Variants in GSE1 observed in about 807,000 individuals in gnomAD.
GSE1 encodes Gse1 coiled-coil protein.
In GSE1, 32 loss-of-function variants were observed where a neutral mutation model predicts 112.6. The observed-to-expected ratio is 0.28, with a 90% confidence interval of 0.21 to 0.38. The LOEUF (loss-of-function observed/expected upper bound fraction) is 0.38. GSE1 is among the 10% of genes least tolerant of loss of function. The pLI is 1.00. For synonymous variants in GSE1, 1,115 were observed against 735.6 expected (o/e 1.52, Z -8.35); for missense variants, 2,348 against 1,699.2 (o/e 1.38, Z -6.71).
intron 1 of GSE1, among the ~76,000 whole-genome samples, chr16:85,316,554 T>G (rs1433852763): frequency 2.0e-5 from 3 of 152,176 alleles, no homozygotes; most frequent in Admixed American, 2.0e-4. Flanking sequence ...GAGGAGTCAC[T>G]GAGGTCCACA....
chr16:85,369,657 A>T (rs1487933721), intron 2 of GSE1, among the ~76,000 whole-genome samples: 1 of 152,166 alleles, frequency 6.6e-6, no homozygotes, highest in East Asian at 1.9e-4. Flanking sequence ...ATGTCTGCAA[A>T]GTCCCTTCTG....
chr16:85,493,442 T>C (rs1229633731), intron 2 of GSE1, among the ~76,000 whole-genome samples: 1 of 151,982 alleles, frequency 6.6e-6, no homozygotes, highest in Admixed American at 6.6e-5. Flanking sequence ...GCAAACCCCA[T>C]CTTTACAAAA....
chr16:85,610,923 C>T (rs1006020153), upstream of GSE1, among the ~76,000 whole-genome samples: 2 of 152,234 alleles, frequency 1.3e-5, no homozygotes, highest in Non-Finnish European at 2.9e-5. Context: ...CTCTAAAAAG[C>T]CGAGTGATGC....
intron 2 of GSE1, chr16:85,463,079 C>T (rs2050019699): frequency 1.0e-6 from 1 of 984,966 alleles, no homozygotes; most frequent in Admixed American, 6.2e-5. Context: ...GGGGGCGGCG[C>T]AGGATGCTGG....
At chr16:85,351,729 C>A (rs2046854295) in intron 1 of GSE1, among the ~76,000 whole-genome samples, 1 of 152,188 alleles carries the variant, frequency 6.6e-6, no homozygotes, top group Admixed American at 6.5e-5. Context: ...GTGGCTCATG[C>A]CTATAATCCC....
chr16:85,425,029 G>A (rs1393140222), intron 2 of GSE1, among the ~76,000 whole-genome samples: 1 of 152,256 alleles, frequency 6.6e-6, no homozygotes, highest in African/African-American at 2.4e-5. Flanking sequence ...AGCAAGCTCC[G>A]AGCAGGCTGG....
intron 1 of GSE1, among the ~76,000 whole-genome samples, chr16:85,331,485 A>G (rs867246004): frequency 1.7e-5 from 2 of 119,716 alleles, no homozygotes; most frequent in East Asian, 3.1e-4. Flanking sequence ...ATATATGTGT[A>G]TATATGTGTA....
intron 1 of GSE1, among the ~76,000 whole-genome samples, chr16:85,297,906 G>A (rs1216160327): frequency 3.9e-5 from 6 of 152,208 alleles, no homozygotes; most frequent in Non-Finnish European, 8.8e-5. Flanking sequence ...GGGTGCCGTG[G>A]AACTTGATTT....
chr16:85,398,964 G>T (rs1567735761), intron 2 of GSE1, among the ~76,000 whole-genome samples: 1 of 152,086 alleles, frequency 6.6e-6, no homozygotes, highest in African/African-American at 2.4e-5. Flanking sequence ...TGTGCCTCTG[G>T]GTGTGTGTGT....
chr16:85,353,905 C>A (rs1374505153), intron 1 of GSE1, among the ~76,000 whole-genome samples: 1 of 152,240 alleles, frequency 6.6e-6, no homozygotes, highest in African/African-American at 2.4e-5. Context: ...AGAGCAGGAG[C>A]CCGTCCAAGC....
chr16:85,431,534 G>T (rs367748978), intron 2 of GSE1, among the ~76,000 whole-genome samples: 5 of 152,264 alleles, frequency 3.3e-5, no homozygotes, highest in African/African-American at 1.2e-4. Context: ...GCTGTCCCCA[G>T]ATCTGATCCT....
chr16:85,359,117 G>T (rs182076904), intron 2 of GSE1, among the ~76,000 whole-genome samples: 111 of 152,318 alleles, frequency 7.3e-4, no homozygotes, highest in Non-Finnish European at 1.4e-3. Flanking sequence ...GATTTCTCAC[G>T]CTCAGCTCTG....
chr16:85,514,655 G>A (rs2051866665), intron 2 of GSE1, among the ~76,000 whole-genome samples: 1 of 152,190 alleles, frequency 6.6e-6, no homozygotes, highest in African/African-American at 2.4e-5. Context: ...ATTGTCCCTG[G>A]GAAGGGCCTC....
chr16:85,443,781 G>A (rs2049439160), intron 2 of GSE1, among the ~76,000 whole-genome samples: 1 of 152,194 alleles, frequency 6.6e-6, no homozygotes, highest in Admixed American at 6.5e-5. Flanking sequence ...GCCCAGCGGG[G>A]AAAGTGCCAG....
At chr16:85,563,917 G>A (rs916629788) in intron 1 of GSE1, among the ~76,000 whole-genome samples, 11 of 152,228 alleles carry the variant, frequency 7.2e-5, no homozygotes, top group African/African-American at 2.4e-4. Flanking sequence ...TTTTCGCACA[G>A]AACACGTGCC....
chr16:85,608,050 C>T (rs375391672), upstream of GSE1, among the ~76,000 whole-genome samples: 3 of 152,290 alleles, frequency 2.0e-5, no homozygotes, highest in East Asian at 3.9e-4. Flanking sequence ...AAGAGTGGGA[C>T]GCAACCTGGA....
chr16:85,225,249 ACT>A (rs1447082854), intron 1 of GSE1, among the ~76,000 whole-genome samples: 1 of 152,166 alleles, frequency 6.6e-6, no homozygotes, highest in African/African-American at 2.4e-5. Context: ...TTGAGCAGAC[ACT>A]CTGGGAGGAC....
At chr16:85,261,072 A>G (rs537081419) in intron 1 of GSE1, among the ~76,000 whole-genome samples, 2 of 152,296 alleles carry the variant, frequency 1.3e-5, no homozygotes, top group South Asian at 4.1e-4. Context: ...TCTGGTCACC[A>G]GGCCTCACCC....
exon 1 of GSE1, chr16:85,169,927 C>G (rs1441823280): frequency 3.0e-6 from 3 of 984,422 alleles, no homozygotes; most frequent in Middle Eastern, 5.2e-4. Flanking sequence ...CGCCGGGGCC[C>G]CCCGCGAGTG....
Sources: gnomAD v4.1 joint callset for allele counts (sites outside exome capture counted in the v4.1 genomes callset) on GRCh38, gnomAD v4.1.1 for gene constraint, MANE v1.5 for transcripts, NCBI Gene and HGNC (gene_info 2026-07-23, HGNC 2026-07-21) for gene names.